KCNT1: variants seen among roughly 807,000 people sequenced by gnomAD.
KCNT1 encodes potassium sodium-activated channel subfamily T member 1.
In KCNT1, 78 loss-of-function variants were observed where a neutral mutation model predicts 147.8. The observed-to-expected ratio is 0.53, with a 90% CI of 0.44 to 0.64. The LOEUF is 0.64. Among genes scored for constraint, KCNT1 ranks in the 30% least tolerant of loss-of-function variants. KCNT1 has a pLI of 0.00. For missense variants in KCNT1, 1,419 were observed against 1,750.3 expected, an observed-to-expected ratio of 0.81 and a Z score of 3.38; for synonymous variants, 867 against 748.8, an observed-to-expected ratio of 1.16 and a Z score of -2.58.
At chr9:135,765,908 G>A in intron 13 of KCNT1, 148 bp downstream of exon 13, 2 of 793,204 alleles carry the variant, frequency 2.5e-6, no homozygotes, top group Non-Finnish European at 2.0e-6. Context: ...CCATCTAGGT[G>A]GACTGTCCAG....
chr9:135,784,668 T>C, intron 26 of KCNT1, 50 bp downstream of exon 26: 1 of 1,609,680 alleles, frequency 6.2e-7, no homozygotes, highest in Non-Finnish European at 8.5e-7. Context: ...GCTGTCCAAG[T>C]GGGTGGATGG....
intron 29 of KCNT1, among the ~76,000 whole-genome samples, chr9:135,786,792 C>A (rs925660764): frequency 6.6e-6 from 1 of 152,218 alleles, no homozygotes; most frequent in African/African-American, 2.4e-5. Flanking sequence ...CTTGGGCATC[C>A]CTGGTGTGAG....
intron 23 of KCNT1, 33 bp from the exon 24 acceptor site, chr9:135,779,326 T>C (rs1833430317): frequency 8.1e-7 from 1 of 1,234,904 alleles, no homozygotes; most frequent in East Asian, 3.3e-5. Flanking sequence ...ACAACCACCA[T>C]GGGCCCCGCC....
chr9:135,742,792 G>T (rs1830633441), intron 2 of KCNT1: 3 of 717,240 alleles, frequency 4.2e-6, no homozygotes, highest in Non-Finnish European at 7.8e-6. Context: ...GAAGATTTCA[G>T]CCTGGACTCC....
intron 1 of KCNT1, among the ~76,000 whole-genome samples, chr9:135,708,185 C>T (rs945989714): frequency 6.6e-6 from 1 of 152,196 alleles, no homozygotes; most frequent in East Asian, 1.9e-4. Context: ...TAGGGATGCC[C>T]ACACACATAC....
chr9:135,737,098 G>A (rs1255145006), intron 2 of KCNT1: 1 of 182,426 alleles, frequency 5.5e-6, no homozygotes, highest in Non-Finnish European at 1.1e-5. Flanking sequence ...CTGTCCCACA[G>A]GAGCCCCGAT....
At chr9:135,775,244 G>GCC in intron 19 of KCNT1, 66 bp from the exon 20 acceptor site, 1 of 1,291,912 alleles carries the variant, frequency 7.7e-7, no homozygotes, top group Non-Finnish European at 1.1e-6. Flanking sequence ...CAGCCCGAGG[G>GCC]GGGCCCCAGA....
intron 1 of KCNT1, among the ~76,000 whole-genome samples, chr9:135,707,023 G>C (rs73667693): frequency 0.019 from 2,848 of 151,928 alleles, 104 homozygotes; most frequent in East Asian, 0.14. Context: ...GGTGGGTCAT[G>C]CCTGTGATCT....
intron 7 of KCNT1, 42 bp from the exon 8 acceptor site, chr9:135,757,114 C>G (rs770564283): frequency 7.1e-6 from 9 of 1,261,432 alleles, no homozygotes; most frequent in Middle Eastern, 3.9e-4. Context: ...GCCCCACCCC[C>G]ACCCTCCATC....
chr9:135,765,484 CTT>C (rs1832201819), intron 12 of KCNT1, 138 bp from the exon 13 acceptor site: 5 of 1,027,312 alleles, frequency 4.9e-6, no homozygotes, highest in South Asian at 1.8e-5. Context: ...GGGGGCCCCT[CTT>C]TTCCCTCCCA....
rs1048406371 is a variant in KCNT1 at position 135,770,706 on chromosome 9, G to A, written c.1770-151G>A. Reference sequence around the variant, plus strand: ...GGTCCCCAACACCTCTGGGACGGGAGGGCTCAGCCAAGGTCCCTGACCCCA... The same window carrying A: ...GGTCCCCAACACCTCTGGGACGGGAAGGCTCAGCCAAGGTCCCTGACCCCA... On this transcript the variant is annotated intron_variant, in intron 17 of 30. Coordinates refer to ENST00000371757, the MANE Select transcript of KCNT1 (RefSeq NM_020822.3). 32 of 847,518 alleles carry A rather than the reference G, an allele frequency of 3.8e-5. No homozygotes were observed. In the African/African-American group the frequency reaches 5.5e-4, roughly 14 times the overall value. 52.5% of individuals were successfully genotyped at this position (847,518 alleles called of 1,614,324 possible).
At chr9:135,765,002 G>A (rs377440331) in intron 11 of KCNT1, 29 bp from the exon 12 acceptor site, 411 of 1,587,724 alleles carry the variant, frequency 2.6e-4, no homozygotes, top group African/African-American at 1.9e-3. Context: ...AGGCCTGGTC[G>A]CTGGTGCTCA....
chr9:135,739,568 GC>G (rs1422293299), intron 2 of KCNT1, among the ~76,000 whole-genome samples: 2 of 151,824 alleles, frequency 1.3e-5, no homozygotes, highest in Admixed American at 6.5e-5. Context: ...CACGCCCGGC[GC>G]CCCACCCTCT....
At position 135,792,307 on chromosome 9, in the gene KCNT1, G is replaced by A. The variant is rs1834600312; in HGVS notation, c.*146G>A. ...GCTCCTGGGACTCCACCCTGGAAAG[G>A]AGCCCCTCATGCGGGGGGAGGGCCA... is the stretch of plus-strand genomic sequence containing the variant. On this transcript the variant is annotated 3_prime_UTR_variant, in exon 31 of 31. Coordinates refer to ENST00000371757, the MANE Select transcript of KCNT1 (RefSeq NM_020822.3). 5 of 1,104,146 alleles carry A rather than the reference G, an allele frequency of 4.5e-6. No individual in the cohort carries two copies. The highest frequency in any genetic ancestry group is 1.7e-5 in the South Asian group (1 of 59,596). The allele number at this position is 1,104,146 out of a possible 1,614,324, so 68.4% of individuals were successfully genotyped here. A position where few individuals can be genotyped will look rare whatever the true frequency, so the allele number is the denominator to read the frequency against.
At chr9:135,735,769 G>A (rs73574632) in intron 2 of KCNT1, among the ~76,000 whole-genome samples, 22 of 152,314 alleles carry the variant, frequency 1.4e-4, no homozygotes, top group Non-Finnish European at 2.5e-4. Flanking sequence ...GGACAAGTCC[G>A]GAGGGCTCTG....
chr9:135,732,026 A>AGAGAGAGAGAGAGAGAGG (rs1836499106), intron 2 of KCNT1, among the ~76,000 whole-genome samples: 1 of 131,764 alleles, frequency 7.6e-6, no homozygotes, highest in East Asian at 2.3e-4. Flanking sequence ...AGAGAGAGAG[A>AGAGAGAGAGAGAGAGAGG]GAGAGAGAGA....
rs1246301313 is a variant in KCNT1 at position 135,786,392 on chromosome 9, G to A, written c.3373G>A (p.Gly1125Ser). The change falls in exon 29 of 31, where the codon GGC (glycine) becomes AGC (serine). Residue 1125 changes from glycine to serine, a missense_variant. Around this residue, in one of 5 missense-constraint regions of KCNT1, gnomAD observed 306 missense variants for 294.2 expected, o/e 1.04. Coordinates refer to ENST00000371757, the MANE Select transcript of KCNT1 (RefSeq NM_020822.3). The part of the protein sequence containing the change: ...RLSRKAPKQA[G>S]RAAAAEWISQ... ...GAGCCGCAAGGCGCCCAAGCAGGCA[G>A]GCCGGGCGGCGGCCGCGGAGTGGAT... 5 of 1,574,454 alleles carry A rather than the reference G, an allele frequency of 3.2e-6. No individual in the cohort carries two copies. In the Admixed American group the frequency reaches 9.2e-5, roughly 29 times the overall value.
intron 24 of KCNT1, 64 bp from the exon 25 acceptor site, chr9:135,783,960 G>A (rs1401686299): frequency 8.5e-6 from 11 of 1,287,976 alleles, no homozygotes; most frequent in South Asian, 1.2e-5. Context: ...CCTCGACCCC[G>A]TGGCTGCCGT....
chr9:135,769,889 T>G (rs967640474), intron 15 of KCNT1, 58 bp from the exon 16 acceptor site: 1 of 1,274,100 alleles, frequency 7.8e-7, no homozygotes, highest in African/African-American at 1.5e-5. Flanking sequence ...GCAGGTACTG[T>G]GGGGGAGGAG....
Sources: allele counts gnomAD v4.1 joint callset (sites outside exome capture counted in the v4.1 genomes callset), GRCh38; gene constraint gnomAD v4.1.1; regional missense constraint gnomAD v4.1.1; transcripts MANE v1.5; gene names NCBI Gene and HGNC (gene_info 2026-07-23, HGNC 2026-07-21).